TCF7: variants seen among roughly 807,000 people sequenced by gnomAD.
TCF7 encodes transcription factor 7, also known as T-cell-factor-7.
Under a neutral mutation model 46.8 loss-of-function variants are expected in TCF7, and 19 were observed. The ratio of observed to expected loss-of-function variants is 0.41; its 90% confidence interval spans 0.28 to 0.60. The LOEUF (loss-of-function observed/expected upper bound fraction) is 0.60, where lower values mean the gene tolerates loss of function less well. Among genes scored for constraint, TCF7 ranks in the 20% least tolerant of loss-of-function variants. TCF7 has a pLI of 0.35. For missense variants in TCF7, 547 were observed against 504.6 expected, an observed-to-expected ratio of 1.08 and a Z score of -0.81; for synonymous variants, 245 against 213.4, an observed-to-expected ratio of 1.15 and a Z score of -1.29.
chr5:134,131,718 C>A lies in TCF7; in HGVS notation c.442-6341C>A, dbSNP rs781003264. Among the ~76,000 whole-genome samples, 14 of 152,364 alleles carry A rather than the reference C, an allele frequency of 9.2e-5. 1 individual carries two copies. The highest frequency in any genetic ancestry group is 6.8e-3 in the Middle Eastern group (2 of 294). On this transcript the variant is annotated intron_variant, in intron 3 of 9. Transcript: ENST00000342854. ...CTGCCATCCAGGACCCCCAGGCCAA[C>A]CTCTCTGCCAGCTAGGCTGGTGGCA...
At chr5:134,124,585 AC>A (rs1757074726) in intron 3 of TCF7, among the ~76,000 whole-genome samples, 1 of 152,064 alleles carries the variant, frequency 6.6e-6, no homozygotes, top group Non-Finnish European at 1.5e-5. Context: ...CAAAGCCCTC[AC>A]CCCGCAGCCC....
At chr5:134,129,403 T>G (rs766612094) in intron 3 of TCF7, among the ~76,000 whole-genome samples, 1 of 152,230 alleles carries the variant, frequency 6.6e-6, no homozygotes, top group South Asian at 2.1e-4. Context: ...GCTATGAGGT[T>G]GTGCCTTGCC....
chr5:134,115,610 C>G lies in TCF7; in HGVS notation c.316+223C>G, dbSNP rs1040622933. 3 of 1,432,710 alleles carry G rather than the reference C, an allele frequency of 2.1e-6. No individual in the cohort carries two copies. In the East Asian group the frequency reaches 7.8e-5, roughly 37 times the overall value. 88.7% of individuals were successfully genotyped at this position (1,432,710 alleles called of 1,614,324 possible). On this transcript the variant is annotated intron_variant, in intron 2 of 9. Coordinates refer to ENST00000342854, the MANE Select transcript of TCF7 (RefSeq NM_003202.5). ...TAGGAGTAAACAGACCCCCGCCATC[C>G]CCGCCTCCCCTCCTGCCCAGGTGAC...
chr5:134,144,676 G>T (rs1485284757), intron 9 of TCF7: 4 of 733,718 alleles, frequency 5.5e-6, no homozygotes, highest in Non-Finnish European at 9.6e-6. Context: ...CTGCCTATGG[G>T]GGCTGTAGGG....
intron 3 of TCF7, among the ~76,000 whole-genome samples, chr5:134,128,116 G>A (rs1171603438): frequency 3.9e-5 from 6 of 152,126 alleles, no homozygotes; most frequent in South Asian, 2.1e-4. Flanking sequence ...ACTCCGTTGC[G>A]TCTTTGGCCG....
chr5:134,138,322 G>A (rs1759216862), intron 4 of TCF7, 158 bp downstream of exon 4: 3 of 633,468 alleles, frequency 4.7e-6, no homozygotes, highest in African/African-American at 3.7e-5. Context: ...TGGACTGGGG[G>A]TATAAGGGCA....
chr5:134,142,741 A>T lies in TCF7; in HGVS notation c.776A>T (p.Lys259Met). ...DRNLKTQAESKAEKEAKKPTI... is the reference protein window; with the variant it reads ...DRNLKTQAESMAEKEAKKPTI... ...CTCAGGAAGACACAAGCAGAGTCCAAGGCAGAGAAGGAGGCCAAGAAGCCA... is the reference window on the plus strand; with the variant it reads ...CTCAGGAAGACACAAGCAGAGTCCATGGCAGAGAAGGAGGCCAAGAAGCCA... The change falls in exon 7 of 10, where the codon AAG becomes ATG. Residue 259 changes from lysine (K) to methionine (M), a missense_variant. Lys to Met is a moderately conservative substitution (Grantham distance 95). This residue lies in a region of TCF7 where 425 missense variants were observed against 349.9 expected (regional missense o/e 1.21). Coordinates refer to ENST00000342854, the MANE Select transcript of TCF7 (RefSeq NM_003202.5). 1 of 1,614,162 alleles carries T rather than the reference A, an allele frequency of 6.2e-7. No homozygotes were observed. The highest frequency in any genetic ancestry group is 8.5e-7 in the Non-Finnish European group (1 of 1,180,010).
At chr5:134,128,082 G>C (rs1459700257) in intron 3 of TCF7, among the ~76,000 whole-genome samples, 1 of 152,122 alleles carries the variant, frequency 6.6e-6, no homozygotes, top group Non-Finnish European at 1.5e-5. Flanking sequence ...CATCTGACTC[G>C]GCGTTCGCTG....
chr5:134,119,583 C>T (rs376557203), intron 3 of TCF7, among the ~76,000 whole-genome samples: 55 of 152,350 alleles, frequency 3.6e-4, no homozygotes, highest in African/African-American at 1.2e-3. Context: ...CCACAGTTGT[C>T]CAGGTGCCTG....
intron 9 of TCF7, chr5:134,145,142 T>C: frequency 1.6e-6 from 1 of 636,224 alleles, no homozygotes; most frequent in South Asian, 1.4e-5. Flanking sequence ...CTGATGCCAG[T>C]GGGCCTAGCA....
rs1439139336 is a variant in TCF7, at chr5:134,142,838, C to T, written c.873C>T (p.Cys291=). The part of the protein sequence containing the change: ...KEMRAKVIAE[C]TLKESAAINQ... ...TGAGAGCCAAGGTCATTGCAGAGTG[C>T]ACACTTAAGGAGAGCGCTGCCATCA... Residue 291 remains cysteine (C), a synonymous_variant, in exon 7 of 10, where the codon TGC becomes TGT. Transcript: ENST00000342854. The T allele has an allele frequency of 6.2e-7, 1 of 1,614,052 alleles. No homozygotes were observed. The highest frequency in any genetic ancestry group is 8.5e-7 in the Non-Finnish European group (1 of 1,180,024).
chr5:134,127,230 A>G (rs1172777988), intron 3 of TCF7, among the ~76,000 whole-genome samples: 1 of 152,168 alleles, frequency 6.6e-6, no homozygotes, highest in Non-Finnish European at 1.5e-5. Context: ...GGGGCACCTC[A>G]TAGCTCTGGG....
intron 3 of TCF7, among the ~76,000 whole-genome samples, chr5:134,124,139 C>T (rs1000904937): frequency 6.6e-6 from 1 of 152,124 alleles, no homozygotes; most frequent in Non-Finnish European, 1.5e-5. Flanking sequence ...CTGACCAGCT[C>T]TGTCTCTAGC....
chr5:134,141,391 CCTT>C (rs1415443514), intron 5 of TCF7: 1 of 151,688 alleles, frequency 6.6e-6, no homozygotes, highest in Non-Finnish European at 1.5e-5. Flanking sequence ...TTAGGTCACT[CCTT>C]CAGTGACAGA....
intron 1 of TCF7, 41 bp downstream of exon 1, chr5:134,115,196 G>A: frequency 9.1e-7 from 1 of 1,100,822 alleles, no homozygotes; most frequent in Non-Finnish European, 1.1e-6. Context: ...CGCGGTCGCC[G>A]CGCCGCGCCG....
At chr5:134,129,907 C>CT (rs1436370011) in intron 3 of TCF7, among the ~76,000 whole-genome samples, 4 of 152,272 alleles carry the variant, frequency 2.6e-5, no homozygotes, top group Non-Finnish European at 4.4e-5. Flanking sequence ...GCAGGTGAGA[C>CT]TGAAGCCTCT....
At chr5:134,128,342 G>C (rs1438389199) in intron 3 of TCF7, among the ~76,000 whole-genome samples, 1 of 152,178 alleles carries the variant, frequency 6.6e-6, no homozygotes, top group Non-Finnish European at 1.5e-5. Flanking sequence ...GCACTGCCCA[G>C]CCTCCTCCCT....
At chr5:134,119,388 A>G (rs1028381417) in intron 3 of TCF7, among the ~76,000 whole-genome samples, 2 of 152,194 alleles carry the variant, frequency 1.3e-5, no homozygotes, top group Non-Finnish European at 2.9e-5. Context: ...TGGGGTGATG[A>G]ATAGGTTCTG....
chr5:134,115,719 A>T, intron 2 of TCF7, 190 bp from the exon 3 acceptor site: 1 of 1,434,256 alleles, frequency 7.0e-7, no homozygotes. Context: ...AGTAGGGGCC[A>T]CCTCGGGGAG....
Sources: gnomAD v4.1 joint callset for allele counts (sites outside exome capture counted in the v4.1 genomes callset) on GRCh38, gnomAD v4.1.1 for gene constraint, gnomAD v4.1.1 regional missense constraint, MANE v1.5 for transcripts, NCBI Gene and HGNC (gene_info 2026-07-23, HGNC 2026-07-21) for gene names.